RAPGEF1: variants seen among roughly 807,000 people sequenced by gnomAD.
RAPGEF1 encodes CRK SH3-binding GNRP.
RAPGEF1 carries 33 observed loss-of-function variants against 143.3 expected under a neutral mutation model. The observed-to-expected ratio is 0.23, with a 90% CI of 0.17 to 0.31. RAPGEF1 has a LOEUF of 0.31. RAPGEF1 is among the 10% of genes least tolerant of loss of function. The pLI is 1.00. For synonymous variants in RAPGEF1, 629 were observed against 676.5 expected, an observed-to-expected ratio of 0.93 and a Z score of 1.09; for missense variants, 1,199 against 1,645.4, an observed-to-expected ratio of 0.73 and a Z score of 4.69.
chr9:131,648,434 G>A (rs1970250849), intron 3 of RAPGEF1, among the ~76,000 whole-genome samples: 1 of 152,006 alleles, frequency 6.6e-6, no homozygotes, highest in Admixed American at 6.6e-5. Flanking sequence ...ACAACAAAAA[G>A]GGGGGAAATC....
intron 1 of RAPGEF1, among the ~76,000 whole-genome samples, chr9:131,717,170 C>T (rs1459998191): frequency 1.3e-5 from 2 of 152,240 alleles, no homozygotes; most frequent in Non-Finnish European, 2.9e-5. Context: ...AGCCTCCAGG[C>T]TGTGATGCCT....
chr9:131,718,496 C>T (rs1234954207), intron 1 of RAPGEF1, among the ~76,000 whole-genome samples: 2 of 152,010 alleles, frequency 1.3e-5, no homozygotes, highest in Admixed American at 1.3e-4. Flanking sequence ...GGAGAAACGG[C>T]GGTGGCCTGG....
At chr9:131,678,896 G>T (rs1054383242) in intron 1 of RAPGEF1, among the ~76,000 whole-genome samples, 11 of 152,230 alleles carry the variant, frequency 7.2e-5, no homozygotes, top group African/African-American at 2.7e-4. Context: ...CTACACAGGG[G>T]AGGCTGGAGG....
rs750213778 is a variant in RAPGEF1, at chr9:131,589,881, C to T, written c.2867+5G>A. 6.2e-7 allele frequency: 1 copy of T among 1,612,904 alleles called. No homozygotes were observed. The highest frequency in any genetic ancestry group is 8.5e-7 in the Non-Finnish European group (1 of 1,178,944). ...CCCCCAGGACCCCAAGGGTGAAGCACTCACCAGAGCTCATCCACCACCCGT... is the reference window on the plus strand; with the variant it reads ...CCCCCAGGACCCCAAGGGTGAAGCATTCACCAGAGCTCATCCACCACCCGT... On this transcript the variant is annotated splice_donor_5th_base_variant and intron_variant, in intron 19 of 26. Transcript: ENST00000683357.
At chr9:131,724,771 T>A (rs970636780) in intron 1 of RAPGEF1, among the ~76,000 whole-genome samples, 1 of 148,076 alleles carries the variant, frequency 6.8e-6, no homozygotes, top group African/African-American at 2.6e-5. Flanking sequence ...CCACAGGAAA[T>A]GTCAAGGTCC....
intron 1 of RAPGEF1, among the ~76,000 whole-genome samples, chr9:131,683,653 T>C (rs76204767): frequency 6.6e-6 from 1 of 152,242 alleles, no homozygotes; most frequent in African/African-American, 2.4e-5. Context: ...TTCATTGTTT[T>C]ACAGATGGGA....
intron 18 of RAPGEF1, 146 bp downstream of exon 18, chr9:131,591,953 C>T: frequency 1.7e-6 from 1 of 582,988 alleles, no homozygotes; most frequent in Non-Finnish European, 3.1e-6. Context: ...GAACCTCGGT[C>T]CATGGGGCTC....
chr9:131,695,903 C>T (rs913914011), intron 1 of RAPGEF1, among the ~76,000 whole-genome samples: 3 of 152,234 alleles, frequency 2.0e-5, no homozygotes, highest in Non-Finnish European at 4.4e-5. Flanking sequence ...TAGAACTCCT[C>T]ACCGCACCCC....
At chr9:131,652,206 T>A (rs1388752584) in intron 1 of RAPGEF1, among the ~76,000 whole-genome samples, 2 of 152,136 alleles carry the variant, frequency 1.3e-5, no homozygotes, top group African/African-American at 4.8e-5. Context: ...CTTAGCTTAC[T>A]GTAACTTTTT....
intron 1 of RAPGEF1, among the ~76,000 whole-genome samples, chr9:131,729,743 G>A (rs1836903131): frequency 6.6e-6 from 1 of 152,182 alleles, no homozygotes; most frequent in Admixed American, 6.5e-5. Flanking sequence ...CACAATACCT[G>A]CCATTGCTGA....
At chr9:131,625,683 T>A (rs912855214) in intron 10 of RAPGEF1, among the ~76,000 whole-genome samples, 2 of 152,202 alleles carry the variant, frequency 1.3e-5, no homozygotes, top group Non-Finnish European at 2.9e-5. Context: ...TCAGGCTACA[T>A]GGAGACCGGA....
At chr9:131,598,848 G>A (rs1390026107) in intron 15 of RAPGEF1, among the ~76,000 whole-genome samples, 4 of 140,254 alleles carry the variant, frequency 2.9e-5, no homozygotes, top group Admixed American at 1.5e-4. Flanking sequence ...TTTTTGAGAC[G>A]GAGTCTCGCT....
At position 131,628,157 on chromosome 9, in the gene RAPGEF1, G is replaced by C. The variant is rs1474188698; in HGVS notation, c.1018-61C>G. 2.1e-6 allele frequency: 3 copies of C among 1,401,608 alleles called. No homozygotes were observed. The African/African-American group carries it at 4.3e-5, about 20-fold the overall frequency. The allele number at this position is 1,401,608 out of a possible 1,614,324, so 86.8% of individuals were successfully genotyped here. Reference sequence around the variant, plus strand: ...TCTGAGAAACGGTGGCACAGACCAGGGGTGAGGCAACCGGTGCATTTACTT... The same window carrying C: ...TCTGAGAAACGGTGGCACAGACCAGCGGTGAGGCAACCGGTGCATTTACTT... On this transcript the variant is annotated intron_variant, in intron 8 of 26. Transcript: ENST00000683357. This position sits in a 1 kb window ranked among gnomAD's most constrained non-coding sequence, Gnocchi z 5.7.
intron 1 of RAPGEF1, among the ~76,000 whole-genome samples, chr9:131,697,535 G>T (rs1011783260): frequency 3.9e-5 from 6 of 152,320 alleles, no homozygotes; most frequent in African/African-American, 1.4e-4. Context: ...AAAATGCAGG[G>T]CTGTCAGGTA....
intron 12 of RAPGEF1, among the ~76,000 whole-genome samples, chr9:131,615,321 A>G (rs1231405469): frequency 2.0e-5 from 3 of 152,082 alleles, no homozygotes; most frequent in Non-Finnish European, 4.4e-5. Flanking sequence ...TGATCCGCCC[A>G]CCTTGGCCTC....
chr9:131,600,998 A>G (rs13291100), intron 15 of RAPGEF1, among the ~76,000 whole-genome samples: 1 of 152,112 alleles, frequency 6.6e-6, no homozygotes, highest in Non-Finnish European at 1.5e-5. Flanking sequence ...TACTAAAAAT[A>G]CAAAATAAAT....
chr9:131,664,189 G>C (rs1164912273), intron 1 of RAPGEF1, among the ~76,000 whole-genome samples: 3 of 152,080 alleles, frequency 2.0e-5, no homozygotes, highest in Non-Finnish European at 4.4e-5. Context: ...TTTGGTTTTT[G>C]ATGCAAAAGA....
rs1457103614 is a variant in RAPGEF1 at position 131,650,907 on chromosome 9, A to T, written c.104T>A (p.Met35Lys). The change falls in exon 2 of 27, where the codon ATG (methionine) becomes AAG (lysine). Residue 35 changes from methionine (M) to lysine (K), a missense_variant. Physicochemically the swap from Met to Lys is moderately conservative, Grantham distance 95. Transcript: ENST00000683357. This position sits in a 1 kb window ranked among gnomAD's most constrained non-coding sequence, Gnocchi z 4.7. ...GATTTTGGGTGAGTGGAATTTGTCC[A>T]TCAGCTTCATGGTGAAGGAAGAGAG... ...SHLSSFTMKL[M>K]DKFHSPKIKR... 1 of 1,613,758 alleles carries T rather than the reference A, an allele frequency of 6.2e-7. No individual in the cohort carries two copies. The highest frequency in any genetic ancestry group is 1.3e-5 in the African/African-American group (1 of 74,898).
chr9:131,687,083 C>T (rs1399346797), intron 1 of RAPGEF1, among the ~76,000 whole-genome samples: 5 of 152,132 alleles, frequency 3.3e-5, no homozygotes, highest in Admixed American at 6.5e-5. Flanking sequence ...GGCTTCTTGA[C>T]AATACTGGAA....
Sources: allele counts gnomAD v4.1 joint callset (sites outside exome capture counted in the v4.1 genomes callset), GRCh38; gene constraint gnomAD v4.1.1; non-coding constraint Gnocchi (gnomAD v3.1); transcripts MANE v1.5; gene names NCBI Gene and HGNC (gene_info 2026-07-23, HGNC 2026-07-21).